Variants in ACSL1 observed in about 807,000 individuals in gnomAD.
The protein encoded by ACSL1 is acyl-CoA synthetase long chain family member 1.
Under a neutral mutation model 98.4 loss-of-function variants are expected in ACSL1, and 41 were observed. The ratio of observed to expected loss-of-function variants is 0.42; its 90% CI spans 0.32 to 0.54. The LOEUF is 0.54. Among genes scored for constraint, ACSL1 ranks in the 20% least tolerant of loss-of-function variants. ACSL1 has a pLI of 0.13. For synonymous variants in ACSL1, 316 were observed against 322.7 expected (o/e 0.98, Z 0.22); for missense variants, 734 against 883.1 (o/e 0.83, Z 2.14).
At chr4:184,805,774 G>C (rs1771333715) in intron 1 of ACSL1, 1 of 152,374 alleles carries the variant, frequency 6.6e-6, no homozygotes, top group Non-Finnish European at 1.5e-5. Flanking sequence ...CCAATGGGCA[G>C]CCAGCAGCAA....
chr4:184,775,952 C>A (rs756593521), intron 7 of ACSL1, among the ~76,000 whole-genome samples: 1 of 152,134 alleles, frequency 6.6e-6, no homozygotes, highest in South Asian at 2.1e-4. Context: ...TGGACCACCA[C>A]GCTCATTCTC....
At chr4:184,820,948 C>A in intron 1 of ACSL1, 1 of 446,002 alleles carries the variant, frequency 2.2e-6, no homozygotes, top group Non-Finnish European at 4.5e-6. Context: ...TAGAGCCCAG[C>A]AATTAGGAGC....
At position 184,768,327 on chromosome 4, in the gene ACSL1, T is replaced by G. The variant is rs1763946485; in HGVS notation, c.1117A>C (p.Met373Leu). The change falls in exon 12 of 21, where the codon ATG (methionine) becomes CTG (leucine). Residue 373 changes from methionine (M) to leucine (L), a missense_variant. Coordinates refer to ENST00000281455, the MANE Select transcript of ACSL1 (RefSeq NM_001995.5). ...TGCTTGGAACTTACTCGGTCAAACA[T>G]CCGGTTCAGCAGTCTTGGAACCACG... is the stretch of plus-strand genomic sequence containing the variant. ...FPVVPRLLNR[M>L]FDRIFGQANT... The G allele has an allele frequency of 6.2e-7, 1 of 1,611,818 alleles. No individual in the cohort carries two copies. Among genetic ancestry groups the G allele is most frequent in the Non-Finnish European group, 8.5e-7 (1 of 1,179,478 alleles).
chr4:184,790,911 T>C (rs567158551), intron 2 of ACSL1, among the ~76,000 whole-genome samples: 11 of 151,900 alleles, frequency 7.2e-5, no homozygotes, highest in Non-Finnish European at 1.0e-4. Flanking sequence ...TTTCAACCCA[T>C]GAAGCCACCA....
At chr4:184,810,749 G>C (rs1490416721) in intron 1 of ACSL1, among the ~76,000 whole-genome samples, 1 of 151,870 alleles carries the variant, frequency 6.6e-6, no homozygotes, top group Non-Finnish European at 1.5e-5. Context: ...ATAGGAAAGG[G>C]GAAGGAAGAT....
intron 3 of ACSL1, among the ~76,000 whole-genome samples, chr4:184,785,987 TAGTGAGTGTGGGTGAGCGG>T (rs1767224961): frequency 6.6e-6 from 1 of 152,096 alleles, no homozygotes; most frequent in Non-Finnish European, 1.5e-5. Flanking sequence ...TCTACGGTCC[TAGTGAGTGTGGGTGAGCGG>T]AGTGAGTGTG....
At chr4:184,785,001 AT>A (rs1237567246) in intron 3 of ACSL1, among the ~76,000 whole-genome samples, 1 of 152,192 alleles carries the variant, frequency 6.6e-6, no homozygotes, top group Admixed American at 6.5e-5. Context: ...AAATGATGCG[AT>A]TTTATTCCTC....
intron 1 of ACSL1, among the ~76,000 whole-genome samples, chr4:184,815,472 C>T (rs2150490409): frequency 6.6e-6 from 1 of 151,072 alleles, no homozygotes; most frequent in East Asian, 1.9e-4. Context: ...CCTCCTGTCC[C>T]CTCCAGGACC....
chr4:184,825,117 T>C lies in ACSL1; in HGVS notation c.-33+799A>G, dbSNP rs1773363619. Reference sequence around the variant, plus strand: ...TCACTCTTAATTATGCTCCATAACCTTGAAATTGGACTGAGTGGGGAAGGG... The same window carrying C: ...TCACTCTTAATTATGCTCCATAACCCTGAAATTGGACTGAGTGGGGAAGGG... On this transcript the variant is annotated intron_variant, in intron 1 of 20. Coordinates refer to ENST00000281455, the MANE Select transcript of ACSL1 (RefSeq NM_001995.5). This position sits in a 1 kb window ranked among gnomAD's most constrained non-coding sequence, Gnocchi z 4.7. 1 of 941,580 alleles carries C rather than the reference T, an allele frequency of 1.1e-6. No individual in the cohort carries two copies. Among genetic ancestry groups the C allele is most frequent in the Non-Finnish European group, 1.3e-6 (1 of 789,984 alleles). The allele number at this position is 941,580 out of a possible 1,614,324, so 58.3% of individuals were successfully genotyped here. A position where few individuals can be genotyped will look rare whatever the true frequency, so the allele number is the denominator to read the frequency against.
intron 1 of ACSL1, among the ~76,000 whole-genome samples, chr4:184,816,362 A>G (rs1433517560): frequency 1.3e-5 from 2 of 152,152 alleles, no homozygotes; most frequent in Non-Finnish European, 2.9e-5. Flanking sequence ...ACCACGAGAC[A>G]TGAGCTAAAA....
intron 12 of ACSL1, 30 bp downstream of exon 12, chr4:184,768,286 A>G: frequency 6.3e-7 from 1 of 1,595,302 alleles, no homozygotes; most frequent in Admixed American, 1.9e-5. Context: ...GTCAGTGCTC[A>G]GTCCTGGGAC....
At position 184,783,944 on chromosome 4, in the gene ACSL1, A is replaced by G; in HGVS notation, c.358T>C (p.Trp120Arg). The G allele has an allele frequency of 6.2e-7, 1 of 1,613,824 alleles. No homozygotes were observed. Among genetic ancestry groups the G allele is most frequent in the Non-Finnish European group, 8.5e-7 (1 of 1,179,818 alleles). Residue 120 changes from tryptophan (W) to arginine (R), a missense_variant, in exon 4 of 21, where the codon TGG (tryptophan) becomes CGG (arginine). By Grantham distance (101) the Trp-to-Arg change is moderately radical. Coordinates refer to ENST00000281455, the MANE Select transcript of ACSL1 (RefSeq NM_001995.5). ...AAACTCACCTGTTTATATGAAAGCC[A>G]TTCATAGGGTTGGTCTGGTTTCCGA... Reference protein sequence around the residue: ...GSRKPDQPYEWLSYKQVAELS... With the variant: ...GSRKPDQPYERLSYKQVAELS...
chr4:184,799,727 T>C (rs992264046), intron 2 of ACSL1, among the ~76,000 whole-genome samples: 4 of 152,150 alleles, frequency 2.6e-5, no homozygotes, highest in Non-Finnish European at 4.4e-5. Context: ...TGCATGCCTA[T>C]AGTCTTAGCT....
At position 184,757,305 on chromosome 4, in the gene ACSL1, C is replaced by G; in HGVS notation, c.1957-40G>C. 1 of 1,567,590 alleles carries G rather than the reference C, an allele frequency of 6.4e-7. No individual in the cohort carries two copies. The highest frequency in any genetic ancestry group is 8.7e-7 in the Non-Finnish European group (1 of 1,149,456). On this transcript the variant is annotated intron_variant, in intron 20 of 20. Coordinates refer to ENST00000281455, the MANE Select transcript of ACSL1 (RefSeq NM_001995.5). The surrounding 1 kb of genome is among the most constrained non-coding windows in gnomAD (Gnocchi z 4.5). ...GGCAGTTAAAAGAGGAAAAAGGACA[C>G]GGGCCACCAGTCTCAAAAGCACGTA... is the stretch of plus-strand genomic sequence containing the variant.
chr4:184,771,611 T>G (rs1433485967), intron 10 of ACSL1, among the ~76,000 whole-genome samples: 1 of 152,092 alleles, frequency 6.6e-6, no homozygotes, highest in Non-Finnish European at 1.5e-5. Context: ...GCAGGCACAG[T>G]GAGGGTTTGT....
intron 3 of ACSL1, 135 bp downstream of exon 3, chr4:184,788,482 G>A: frequency 1.3e-6 from 1 of 744,620 alleles, no homozygotes; most frequent in Non-Finnish European, 2.4e-6. Context: ...CTCTGGGAAA[G>A]TTACAGTGGA....
chr4:184,774,657 C>T (rs945776269), intron 7 of ACSL1, among the ~76,000 whole-genome samples: 1 of 152,122 alleles, frequency 6.6e-6, no homozygotes, highest in Non-Finnish European at 1.5e-5. Flanking sequence ...TATTTATATT[C>T]TTTTCCTATT....
At chr4:184,807,934 T>TCACAAG (rs1251503716) in intron 1 of ACSL1, among the ~76,000 whole-genome samples, 2 of 152,298 alleles carry the variant, frequency 1.3e-5, no homozygotes, top group African/African-American at 4.8e-5. Context: ...CACATAACTA[T>TCACAAG]CACAAGTCTC....
intron 1 of ACSL1, among the ~76,000 whole-genome samples, chr4:184,815,920 A>G (rs1293111062): frequency 1.3e-5 from 2 of 152,126 alleles, no homozygotes; most frequent in African/African-American, 4.8e-5. Flanking sequence ...CAGGAGTTCA[A>G]GCCCAGCCTG....
Sources: allele counts gnomAD v4.1 joint callset (sites outside exome capture counted in the v4.1 genomes callset), GRCh38; gene constraint gnomAD v4.1.1; non-coding constraint Gnocchi (gnomAD v3.1); transcripts MANE v1.5; gene names NCBI Gene and HGNC (gene_info 2026-07-23, HGNC 2026-07-21).